The following ERN2 variants were observed in gnomAD, a reference collection of about 807,000 sequenced individuals.
ERN2 encodes the protein serine/threonine-protein kinase/endoribonuclease IRE2.
In ERN2, 111 loss-of-function variants were observed where a neutral mutation model predicts 107.9. The ratio of observed to expected loss-of-function variants is 1.03; its 90% confidence interval spans 0.88 to 1.20. The LOEUF (loss-of-function observed/expected upper bound fraction) is 1.20, where lower values mean the gene tolerates loss of function less well. Among genes scored for constraint, ERN2 ranks in the 50% most tolerant of loss-of-function variants. The pLI is 0.00. For synonymous variants in ERN2, 524 were observed against 501.7 expected (o/e 1.04, Z -0.59); for missense variants, 1,225 against 1,197.9 (o/e 1.02, Z -0.33).
At chr16:23,709,959 C>A in intron 4 of ERN2, 1 of 545,794 alleles carries the variant, frequency 1.8e-6, no homozygotes, top group Non-Finnish European at 3.3e-6. Flanking sequence ...ATACCTCCAG[C>A]TTGATAGTCA....
Position 23,709,942 on chromosome 16 carries a change from C to A in ERN2, c.306+230G>T, listed in dbSNP as rs556110410. 4.5e-4 allele frequency: 229 copies of A among 513,488 alleles called. 1 individual carries two copies. The highest frequency in any genetic ancestry group is 3.9e-3 in the African/African-American group (205 of 52,382). The allele number at this position is 513,488 out of a possible 1,614,324, so 31.8% of individuals were successfully genotyped here. A position where few individuals can be genotyped will look rare whatever the true frequency, so the allele number is the denominator to read the frequency against. On this transcript the variant is annotated intron_variant, in intron 4 of 21. Coordinates refer to ENST00000256797, the MANE Select transcript of ERN2 (RefSeq NM_033266.4). Reference sequence around the variant, plus strand: ...AAAGCCCTCAGAGTCCTGGAGAAGGCCCTGGGATACCTCCAGCTTGATAGT... The same window carrying A: ...AAAGCCCTCAGAGTCCTGGAGAAGGACCTGGGATACCTCCAGCTTGATAGT...
At position 23,691,256 on chromosome 16, in the gene ERN2, G is replaced by A. The variant is rs759353646; in HGVS notation, c.2500+46C>T. 92 of 1,611,972 alleles carry A rather than the reference G, an allele frequency of 5.7e-5. 1 individual carries two copies. The Admixed American group carries it at 1.5e-3, about 27-fold the overall frequency. ...TGCTAGACTCCCCTCCACCGCCCAG[G>A]CCCACTCCCCTCCACCGCCCAGGCC... is the stretch of plus-strand genomic sequence containing the variant. On this transcript the variant is annotated intron_variant, in intron 20 of 21. Transcript: ENST00000256797.
At chr16:23,707,253 C>T in intron 4 of ERN2, 174 bp from the exon 5 acceptor site, 1 of 619,690 alleles carries the variant, frequency 1.6e-6, no homozygotes. Flanking sequence ...TGTCACACAG[C>T]TACTAAATGG....
chr16:23,690,698 C>G lies in ERN2; in HGVS notation c.*133G>C. The G allele has an allele frequency of 4.2e-6, 3 of 707,516 alleles. No individual in the cohort carries two copies. In the South Asian group the frequency reaches 5.2e-5, roughly 12 times the overall value. The allele number at this position is 707,516 out of a possible 1,614,324, so 43.8% of individuals were successfully genotyped here. A position where few individuals can be genotyped will look rare whatever the true frequency, so the allele number is the denominator to read the frequency against. ...CTCGAACTCCTGAGCTCAAGTGATC[C>G]TCTCACTCAGCCTCCCAAAATGCTG... On this transcript the variant is annotated 3_prime_UTR_variant, in exon 22 of 22. Coordinates refer to ENST00000256797, the MANE Select transcript of ERN2 (RefSeq NM_033266.4).
At position 23,702,405 on chromosome 16, in the gene ERN2, G is replaced by T; in HGVS notation, c.1066C>A (p.Gln356Lys). 1 of 1,613,580 alleles carries T rather than the reference G, an allele frequency of 6.2e-7. No individual in the cohort carries two copies. The highest frequency in any genetic ancestry group is 8.5e-7 in the Non-Finnish European group (1 of 1,179,870). Residue 356 changes from glutamine (Q) to lysine (K), a missense_variant, in exon 10 of 22, where the codon CAG becomes AAG. Gln to Lys is a moderately conservative substitution (Grantham distance 53). Transcript: ENST00000256797. Reference sequence around the variant, plus strand: ...AGGATCTCACCAATGAGCAGCCACTGGCTTGGGAGGGCCACACTGCCTGAG... The same window carrying T: ...AGGATCTCACCAATGAGCAGCCACTTGCTTGGGAGGGCCACACTGCCTGAG... ...YPSGSVALPS[Q>K]WLLIGHHELP...
rs1207192560 is a variant in ERN2 at position 23,713,173 on chromosome 16, G to A, written c.15C>T (p.Val5=). ...GCCGGGGCCACGGCCTCGACCCCCT[G>A]ACCGCACTCGCCATAGCGCCTGGGC... The part of the protein sequence containing the change: MASA[V]RGSRPWPRLG... Residue 5 remains valine, a synonymous_variant, in exon 1 of 22, where the codon GTC becomes GTT. Transcript: ENST00000256797. The A allele has an allele frequency of 1.2e-5, 19 of 1,576,362 alleles. No individual in the cohort carries two copies. In the South Asian group the frequency reaches 2.0e-4, roughly 16 times the overall value.
At chr16:23,691,541 G>A in intron 19 of ERN2, 116 bp from the exon 20 acceptor site, 3 of 1,257,916 alleles carry the variant, frequency 2.4e-6, no homozygotes, top group South Asian at 2.9e-5. Flanking sequence ...GCCTCTGGGG[G>A]CGTGAAGCTT....
At chr16:23,695,168 A>G in intron 15 of ERN2, 32 bp downstream of exon 15, 1 of 1,613,210 alleles carries the variant, frequency 6.2e-7, no homozygotes, top group Non-Finnish European at 8.5e-7. Flanking sequence ...GGACCTTCCC[A>G]CTCACCCTCC....
chr16:23,712,238 C>CTGCA lies in ERN2; in HGVS notation c.93+853_93+856dup, dbSNP rs1960575784. On this transcript the variant is annotated intron_variant, in intron 1 of 21. Transcript: ENST00000256797. Reference sequence around the variant, plus strand: ...GAGGGAGAACGGTTTGGAGAAGAGGCTGCAGATTGGTTGCCCAGAAATGAA... The same window carrying CTGCA: ...GAGGGAGAACGGTTTGGAGAAGAGGCTGCATGCAGATTGGTTGCCCAGAAATGAA... 3 of 166,592 alleles carry CTGCA rather than the reference C, an allele frequency of 1.8e-5. No homozygotes were observed. The South Asian group carries it at 3.0e-4, about 17-fold the overall frequency. 10.3% of individuals were successfully genotyped at this position (166,592 alleles called of 1,614,324 possible). A position where few individuals can be genotyped will look rare whatever the true frequency, so the allele number is the denominator to read the frequency against.
intron 3 of ERN2, 95 bp from the exon 4 acceptor site, chr16:23,710,339 C>A (rs866043603): frequency 4.0e-6 from 5 of 1,251,274 alleles, no homozygotes; most frequent in East Asian, 2.3e-5. Flanking sequence ...CTACTAGGAG[C>A]CTGTTCTTGT....
chr16:23,710,320 A>G, intron 3 of ERN2, 76 bp from the exon 4 acceptor site: 1 of 1,341,774 alleles, frequency 7.5e-7, no homozygotes, highest in Non-Finnish European at 1.1e-6. Flanking sequence ...ATTCCTTCCA[A>G]TTTCTCAGCT....
Position 23,694,803 on chromosome 16 carries a change from G to T in ERN2, c.2025C>A (p.Ser675Arg). The change falls in exon 17 of 22, where the codon AGC becomes AGA. Residue 675 changes from serine (S) to arginine (R), a missense_variant. Ser to Arg is a moderately radical substitution (Grantham distance 110, BLOSUM62 -1). Coordinates refer to ENST00000256797, the MANE Select transcript of ERN2 (RefSeq NM_033266.4). ...KKLPAGRCSFSLHSGIPGTEG... is the reference protein window; with the variant it reads ...KKLPAGRCSFRLHSGIPGTEG... ...CCGTGCCGGGGATGCCGGAGTGGAG[G>T]CTGAAGCTACAGCGGCCAGCAGGCA... The T allele has an allele frequency of 6.2e-7, 1 of 1,613,728 alleles. No individual in the cohort carries two copies.
intron 1 of ERN2, chr16:23,712,092 A>T (rs1276129252): frequency 2.2e-6 from 1 of 447,564 alleles, no homozygotes; most frequent in East Asian, 7.1e-5. Flanking sequence ...CAAAGGCCAC[A>T]TCCTGCTTCA....
chr16:23,695,242 G>C lies in ERN2; in HGVS notation c.1758C>G (p.Phe586Leu). 6.2e-7 allele frequency: 1 copy of C among 1,614,124 alleles called. No individual in the cohort carries two copies. The highest frequency in any genetic ancestry group is 1.3e-5 in the African/African-American group (1 of 75,036). ...GGCAGAGCTCCAGGGCAATGTAGTG[G>C]AACTGGGGTCCCCGCTCGGTGCAGA... ...RYFCTERGPQ[F>L]HYIALELCRA... is the part of the protein sequence containing the mutation. Residue 586 changes from phenylalanine to leucine, a missense_variant, in exon 15 of 22, where the codon TTC becomes TTG. Physicochemically the swap from Phe to Leu is conservative, Grantham distance 22 (BLOSUM62 0). Coordinates refer to ENST00000256797, the MANE Select transcript of ERN2 (RefSeq NM_033266.4).
At chr16:23,699,585 G>A (rs569489783) in intron 13 of ERN2, among the ~76,000 whole-genome samples, 3 of 152,018 alleles carry the variant, frequency 2.0e-5, no homozygotes, top group Non-Finnish European at 2.9e-5. Context: ...CACCACGCCC[G>A]GCGAATTGTT....
intron 9 of ERN2, 28 bp downstream of exon 9, chr16:23,702,596 T>C: frequency 1.2e-6 from 2 of 1,614,078 alleles, no homozygotes; most frequent in African/African-American, 1.3e-5. Flanking sequence ...TCATCCTCTT[T>C]CCAGCCCACT....
Position 23,690,879 on chromosome 16 carries a change from C to T in ERN2, c.2733G>A (p.Pro911=), listed in dbSNP as rs746997674. 13 of 1,613,780 alleles carry T rather than the reference C, an allele frequency of 8.1e-6. No homozygotes were observed. The highest frequency in any genetic ancestry group is 4.5e-5 in the East Asian group (2 of 44,882). The part of the protein sequence containing the change: ...ASESLFLPYY[P]PDSEARRPCP... Reference sequence around the variant, plus strand: ...ATGGCCTCCTGGCCTCTGAGTCTGGCGGGTAGTAGGGCAGGAAGAGGCTCT... The same window carrying T: ...ATGGCCTCCTGGCCTCTGAGTCTGGTGGGTAGTAGGGCAGGAAGAGGCTCT... The change falls in exon 22 of 22, where the codon CCG becomes CCA. Residue 911 remains proline (P), a synonymous_variant. Coordinates refer to ENST00000256797, the MANE Select transcript of ERN2 (RefSeq NM_033266.4).
intron 17 of ERN2, among the ~76,000 whole-genome samples, chr16:23,693,906 C>T (rs1959698124): frequency 1.3e-5 from 2 of 152,210 alleles, no homozygotes; most frequent in African/African-American, 4.8e-5. Context: ...ACCTTCGATA[C>T]CAGTGGTTCT....
At chr16:23,698,812 C>A (rs1014150651) in intron 13 of ERN2, among the ~76,000 whole-genome samples, 2 of 152,050 alleles carry the variant, frequency 1.3e-5, no homozygotes, top group South Asian at 2.1e-4. Context: ...GGTCTCGAAC[C>A]CCTGACCTCA....
Sources: gnomAD v4.1 joint callset for allele counts (sites outside exome capture counted in the v4.1 genomes callset) on GRCh38, gnomAD v4.1.1 for gene constraint, MANE v1.5 for transcripts, NCBI Gene and HGNC (gene_info 2026-07-23, HGNC 2026-07-21) for gene names.